KLHL32: variants seen among roughly 807,000 people sequenced by gnomAD.
KLHL32 encodes kelch like family member 32.
KLHL32 carries 35 observed loss-of-function variants against 64.8 expected under a neutral mutation model. The ratio of observed to expected loss-of-function variants is 0.54; its 90% CI spans 0.41 to 0.72. The LOEUF is 0.72. Among genes scored for constraint, KLHL32 ranks in the 30% least tolerant of loss-of-function variants. The pLI is 0.00. For synonymous variants in KLHL32, 259 were observed against 281.0 expected (o/e 0.92, Z 0.78); for missense variants, 589 against 768.5 (o/e 0.77, Z 2.76).
chr6:96,912,543 G>T, the KLHL32 span, among the ~76,000 whole-genome samples: 69,663 of 151,814 alleles, frequency 0.46, 16,312 homozygotes, highest in Non-Finnish European at 0.5. Flanking sequence ...TTCCCCTGGC[G>T]GTGAGACTTG....
chr6:96,967,151 G>T, intron 2 of KLHL32, 68 bp downstream of exon 2: 1 of 1,432,086 alleles, frequency 7.0e-7, no homozygotes, highest in Non-Finnish European at 9.8e-7. Flanking sequence ...GCACGTTCTA[G>T]GATCAAGCAC....
At chr6:97,132,846 A>G in intron 10 of KLHL32, 99 bp downstream of exon 10, 1 of 860,104 alleles carries the variant, frequency 1.2e-6, no homozygotes. Flanking sequence ...ATGTTTAGAA[A>G]GAGGCTTAAC....
Position 97,140,012 on chromosome 6 carries a change from GA to G in KLHL32, c.*735del, listed in dbSNP as rs992354999. On this transcript the variant is annotated 3_prime_UTR_variant, in exon 11 of 11. Coordinates refer to ENST00000369261, the MANE Select transcript of KLHL32 (RefSeq NM_052904.4). ...TTTGTAATACTTTGCCCAAGAAAAA[GA>G]AAAATGTTGTTACTGAAATTATAAG... 1 of 152,068 alleles carries G rather than the reference GA, an allele frequency of 6.6e-6. No individual in the cohort carries two copies. Among genetic ancestry groups the G allele is most frequent in the African/African-American group, 2.4e-5 (1 of 41,416 alleles). The allele number at this position is 152,068 out of a possible 1,614,324, so 9.4% of individuals were successfully genotyped here. A position where few individuals can be genotyped will look rare whatever the true frequency, so the allele number is the denominator to read the frequency against.
intron 1 of KLHL32, among the ~76,000 whole-genome samples, chr6:96,944,717 G>C (rs531810987): frequency 6.6e-6 from 1 of 152,310 alleles, no homozygotes; most frequent in East Asian, 1.9e-4. Flanking sequence ...TAAGTTGTGA[G>C]GTTAGAAGAC....
chr6:97,139,947 A>G lies in KLHL32; in HGVS notation c.*665A>G, dbSNP rs1197994578. 1 of 152,156 alleles carries G rather than the reference A, an allele frequency of 6.6e-6. No individual in the cohort carries two copies. Among genetic ancestry groups the G allele is most frequent in the African/African-American group, 2.4e-5 (1 of 41,450 alleles). 9.4% of individuals were successfully genotyped at this position (152,156 alleles called of 1,614,324 possible). On this transcript the variant is annotated 3_prime_UTR_variant, in exon 11 of 11. Transcript: ENST00000369261. ...TTAAGGAGGATAATTACTGATTTCC[A>G]CGTTAATTTAAAAGAACATTATGAG...
At chr6:96,936,790 C>T (rs1236542912) in intron 1 of KLHL32, among the ~76,000 whole-genome samples, 1 of 152,148 alleles carries the variant, frequency 6.6e-6, no homozygotes, top group African/African-American at 2.4e-5. Flanking sequence ...CCATCTATCC[C>T]TCTCTTATCT....
In KLHL32 at chr6:97,094,796, A is replaced by C. The variant is rs1005841669; in HGVS notation, c.627+9455A>C. Among the ~76,000 whole-genome samples, 3 of 152,178 alleles carry C rather than the reference A, an allele frequency of 2.0e-5. No homozygotes were observed. The East Asian group carries it at 5.8e-4, about 29-fold the overall frequency. On this transcript the variant is annotated intron_variant, in intron 6 of 10. Transcript: ENST00000369261. ...GTGGCACGGTATTACTTATGCTTCAAGAACAGGAGCTAAAAAGACCCCCAC... is the reference window on the plus strand; with the variant it reads ...GTGGCACGGTATTACTTATGCTTCACGAACAGGAGCTAAAAAGACCCCCAC...
At chr6:97,112,604 G>A (rs1055171207) in intron 6 of KLHL32, among the ~76,000 whole-genome samples, 8 of 151,766 alleles carry the variant, frequency 5.3e-5, no homozygotes, top group Admixed American at 1.3e-4. Flanking sequence ...GTGCCACCAC[G>A]CCCAGCTAAT....
chr6:96,910,867 A>G, the KLHL32 span, among the ~76,000 whole-genome samples: 7 of 152,186 alleles, frequency 4.6e-5, no homozygotes, highest in Non-Finnish European at 7.4e-5. Context: ...TCAAGGGAGT[A>G]TTTTCCAGGA....
intron 1 of KLHL32, among the ~76,000 whole-genome samples, chr6:96,927,100 T>C (rs1445109287): frequency 2.0e-5 from 3 of 152,250 alleles, no homozygotes; most frequent in Non-Finnish European, 2.9e-5. Context: ...TAGATCTCTG[T>C]CTTATATCTC....
upstream of KLHL32, among the ~76,000 whole-genome samples, chr6:96,920,808 C>T (rs1030061629): frequency 3.3e-5 from 5 of 152,084 alleles, no homozygotes; most frequent in Non-Finnish European, 7.4e-5. Flanking sequence ...TCCCTTCTCC[C>T]TCCCCTTTTC....
chr6:97,018,661 A>G (rs1781572794), intron 3 of KLHL32, among the ~76,000 whole-genome samples: 1 of 152,162 alleles, frequency 6.6e-6, no homozygotes, highest in Non-Finnish European at 1.5e-5. Flanking sequence ...CTCAGAAAAA[A>G]TATTAGTCAG....
At chr6:97,070,072 C>T (rs1790462988) in intron 5 of KLHL32, among the ~76,000 whole-genome samples, 2 of 151,890 alleles carry the variant, frequency 1.3e-5, no homozygotes, top group South Asian at 4.2e-4. Context: ...CAACACTGAA[C>T]CATTTTTTCC....
chr6:97,130,706 C>T (rs767625250), intron 8 of KLHL32, 51 bp from the exon 9 acceptor site: 3 of 1,483,832 alleles, frequency 2.0e-6, no homozygotes, highest in East Asian at 4.6e-5. Context: ...TTGCTGTTTT[C>T]TGACATGGAG....
At chr6:97,044,582 T>C (rs7753391) in intron 4 of KLHL32, among the ~76,000 whole-genome samples, 12,735 of 152,072 alleles carry the variant, frequency 0.084, 1,119 homozygotes, top group Admixed American at 0.22. Flanking sequence ...AGATTGATAT[T>C]CTTTCTTCTT....
At chr6:96,925,158 G>C (rs572937961) in intron 1 of KLHL32, 132 bp downstream of exon 1, 1 of 152,388 alleles carries the variant, frequency 6.6e-6, no homozygotes, top group East Asian at 1.9e-4. Context: ...GCCTCTGCCC[G>C]TGTCGTCTAA....
intron 3 of KLHL32, among the ~76,000 whole-genome samples, chr6:96,988,251 C>A (rs1377908229): frequency 6.6e-6 from 1 of 152,064 alleles, no homozygotes; most frequent in Non-Finnish European, 1.5e-5. Flanking sequence ...TCAAACAAAT[C>A]TACAAGAAAA....
At chr6:96,928,729 A>C (rs1197391225) in intron 1 of KLHL32, among the ~76,000 whole-genome samples, 1 of 152,178 alleles carries the variant, frequency 6.6e-6, no homozygotes, top group Non-Finnish European at 1.5e-5. Context: ...ATATGAATTC[A>C]TTTGGAGTGG....
At chr6:96,904,549 T>C in the KLHL32 span, among the ~76,000 whole-genome samples, 4 of 152,300 alleles carry the variant, frequency 2.6e-5, no homozygotes, top group South Asian at 8.3e-4. Flanking sequence ...AAAGTCTGAA[T>C]AGTGTAAAAA....
Sources: gnomAD v4.1 joint callset for allele counts (sites outside exome capture counted in the v4.1 genomes callset) on GRCh38, gnomAD v4.1.1 for gene constraint, MANE v1.5 for transcripts, NCBI Gene and HGNC (gene_info 2026-07-23, HGNC 2026-07-21) for gene names.